Variants in EBF3 observed in about 807,000 individuals in gnomAD.
EBF3 encodes EBF transcription factor 3, also known as transcription factor COE3.
A neutral mutation model predicts 77.1 loss-of-function variants in EBF3; 18 were observed. That is an observed-to-expected ratio of 0.23 (90% confidence interval 0.16 to 0.35). The LOEUF (loss-of-function observed/expected upper bound fraction) is 0.35, where lower values mean the gene tolerates loss of function less well. Ranked by LOEUF, EBF3 falls within the 10% of genes least tolerant of loss-of-function variation. The pLI, the probability that EBF3 is intolerant of heterozygous loss-of-function variation, is 1.00. For synonymous variants in EBF3, 350 were observed against 343.5 expected (o/e 1.02, Z -0.21); for missense variants, 558 against 860.0 (o/e 0.65, Z 4.39).
chr10:129,891,216 C>T (rs887731979), intron 6 of EBF3, among the ~76,000 whole-genome samples: 1 of 152,094 alleles, frequency 6.6e-6, no homozygotes, highest in African/African-American at 2.4e-5. Context: ...TAATACTCTC[C>T]CATCAAGCAA....
intron 6 of EBF3, among the ~76,000 whole-genome samples, chr10:129,941,211 C>T (rs936060994): frequency 8.5e-5 from 13 of 152,142 alleles, no homozygotes; most frequent in Non-Finnish European, 1.2e-4. Flanking sequence ...GTTCAAGGGA[C>T]GAAAGAAACC....
intron 6 of EBF3, among the ~76,000 whole-genome samples, chr10:129,917,174 G>A (rs936458733): frequency 6.6e-6 from 1 of 152,146 alleles, no homozygotes; most frequent in Non-Finnish European, 1.5e-5. Context: ...TCAAAGACCA[G>A]CTTGGCCAAC....
At chr10:129,892,879 C>A (rs1365587033) in intron 6 of EBF3, among the ~76,000 whole-genome samples, 1 of 152,248 alleles carries the variant, frequency 6.6e-6, no homozygotes, top group Non-Finnish European at 1.5e-5. Flanking sequence ...CAAATCATAA[C>A]CCCCAAATAT....
chr10:129,840,441 TACTGCAACAAAGCAAAC>T lies in EBF3; in HGVS notation c.1562-16_1562del, dbSNP rs1293802333. ...CTGCCATGGTGGGGCTGGACGGCAC[TACTGCAACAAAGCAAAC>T]ACGGTCAGCACGCGCGGCCGCGGCA... On this transcript the variant is annotated splice_acceptor_variant and splice_polypyrimidine_tract_variant and coding_sequence_variant and intron_variant, in exon 15 of 17. Coordinates refer to ENST00000440978, the MANE Select transcript of EBF3 (RefSeq NM_001375380.1). LOFTEE classifies it high-confidence loss of function. 6.5e-7 allele frequency: 1 copy of T among 1,550,192 alleles called. No homozygotes were observed. The highest frequency in any genetic ancestry group is 1.2e-5 in the South Asian group (1 of 84,058).
intron 6 of EBF3, among the ~76,000 whole-genome samples, chr10:129,942,283 C>T (rs1486740181): frequency 6.6e-6 from 1 of 152,130 alleles, no homozygotes. Flanking sequence ...GGTCCAGGAC[C>T]CTTCTTTAGC....
At chr10:129,857,052 A>C (rs1046518739) in intron 10 of EBF3, among the ~76,000 whole-genome samples, 3 of 152,172 alleles carry the variant, frequency 2.0e-5, no homozygotes, top group South Asian at 4.1e-4. Flanking sequence ...GGTGTGGGGA[A>C]TCGATTCCCA....
In EBF3 at chr10:129,947,220, G is replaced by GATCACCC. The variant is rs1858297771; in HGVS notation, c.554+10037_554+10038insGGGTGAT. 6.6e-6 allele frequency among the ~76,000 whole-genome samples: 1 copy of GATCACCC among 152,218 alleles called. No homozygotes were observed. The highest frequency in any genetic ancestry group is 1.5e-5 in the Non-Finnish European group (1 of 68,032). On this transcript the variant is annotated intron_variant, in intron 6 of 16. Transcript: ENST00000440978. This position sits in a 1 kb window ranked among gnomAD's most constrained non-coding sequence, Gnocchi z 4.5. ...GCCGCCGGGGGACCACCCCATCCCG[G>GATCACCC]CACACTGATCTGATTTACAAACCTT... is the stretch of plus-strand genomic sequence containing the variant.
At chr10:129,907,995 C>T (rs997414793) in intron 6 of EBF3, among the ~76,000 whole-genome samples, 5 of 152,178 alleles carry the variant, frequency 3.3e-5, no homozygotes, top group Admixed American at 6.5e-5. Context: ...CCCCACTGAG[C>T]CATGGATCCA....
In EBF3 at chr10:129,836,792, A is replaced by G. The variant is rs548955766; in HGVS notation, c.*1151T>C. 1 of 152,640 alleles carries G rather than the reference A, an allele frequency of 6.6e-6. No homozygotes were observed. Among genetic ancestry groups the G allele is most frequent in the Non-Finnish European group, 1.5e-5 (1 of 68,038 alleles). The allele number at this position is 152,640 out of a possible 1,614,324, so 9.5% of individuals were successfully genotyped here. ...GAAAGAAGAAAAAGGAAAAGGTGGG[A>G]AAAGCAATGTACAAAATTTCAAAGA... On this transcript the variant is annotated 3_prime_UTR_variant, in exon 17 of 17. Coordinates refer to ENST00000440978, the MANE Select transcript of EBF3 (RefSeq NM_001375380.1).
At chr10:129,942,236 A>G (rs1443142065) in intron 6 of EBF3, among the ~76,000 whole-genome samples, 2 of 152,224 alleles carry the variant, frequency 1.3e-5, no homozygotes, top group Non-Finnish European at 2.9e-5. Flanking sequence ...GAGTGATTTT[A>G]GGACATTTCC....
intron 6 of EBF3, among the ~76,000 whole-genome samples, chr10:129,932,355 C>T (rs1033610299): frequency 2.0e-5 from 3 of 152,182 alleles, no homozygotes; most frequent in Admixed American, 6.5e-5. Flanking sequence ...TGCAACAAGG[C>T]GACAAGGGCC....
At chr10:129,911,956 C>T (rs1855554306) in intron 6 of EBF3, among the ~76,000 whole-genome samples, 2 of 152,120 alleles carry the variant, frequency 1.3e-5, no homozygotes, top group Admixed American at 1.3e-4. Flanking sequence ...GAGCAACGCA[C>T]GGCCCAGCAA....
At chr10:129,869,590 G>A (rs539468844) in intron 8 of EBF3, among the ~76,000 whole-genome samples, 48 of 152,270 alleles carry the variant, frequency 3.2e-4, no homozygotes, top group African/African-American at 8.2e-4. Flanking sequence ...GGAGTTTTCC[G>A]GAAGCCCGCG....
intron 6 of EBF3, among the ~76,000 whole-genome samples, chr10:129,896,300 A>G (rs1032791562): frequency 3.9e-5 from 6 of 152,364 alleles, no homozygotes; most frequent in Admixed American, 3.9e-4. Context: ...GCCACCATGC[A>G]AAAACAAGCC....
chr10:129,951,348 GC>G lies in EBF3; in HGVS notation c.554+5909del, dbSNP rs142945103. Among the ~76,000 whole-genome samples the G allele has an allele frequency of 6.1e-3, 934 of 152,342 alleles. 13 individuals carry two copies. Among genetic ancestry groups the G allele is most frequent in the East Asian group, 0.014 (70 of 5,174 alleles). On this transcript the variant is annotated intron_variant, in intron 6 of 16. Coordinates refer to ENST00000440978, the MANE Select transcript of EBF3 (RefSeq NM_001375380.1). Reference sequence around the variant, plus strand: ...TCTTCGCTCCTCACCTGATAAGGCTGCCGCAGCGGTGCAGGATGCTTTCCGT... The same window carrying G: ...TCTTCGCTCCTCACCTGATAAGGCTGCGCAGCGGTGCAGGATGCTTTCCGT...
chr10:129,874,921 G>C (rs1171693559), intron 7 of EBF3, among the ~76,000 whole-genome samples: 49 of 152,276 alleles, frequency 3.2e-4, no homozygotes, highest in Admixed American at 3.2e-3. Context: ...GGGGAAACCA[G>C]GGGGAGGGGC....
chr10:129,849,505 C>T (rs1304700545), intron 10 of EBF3, among the ~76,000 whole-genome samples: 1 of 152,130 alleles, frequency 6.6e-6, no homozygotes, highest in Admixed American at 6.5e-5. Context: ...GGTGCGGGGG[C>T]GGACACAAAG....
At chr10:129,889,916 C>T (rs978811739) in intron 6 of EBF3, among the ~76,000 whole-genome samples, 7 of 136,198 alleles carry the variant, frequency 5.1e-5, no homozygotes, top group South Asian at 2.4e-4. Context: ...CTGAAATCAA[C>T]GGGAAAATGA....
chr10:129,950,294 C>T (rs961132873), intron 6 of EBF3, among the ~76,000 whole-genome samples: 3 of 152,172 alleles, frequency 2.0e-5, no homozygotes, highest in Non-Finnish European at 2.9e-5. Context: ...GCAGAGGATG[C>T]GCCCCATCCA....
Sources: gnomAD v4.1 joint callset for allele counts (sites outside exome capture counted in the v4.1 genomes callset) on GRCh38, gnomAD v4.1.1 for gene constraint, Gnocchi (gnomAD v3.1) non-coding constraint, MANE v1.5 for transcripts, NCBI Gene and HGNC (gene_info 2026-07-23, HGNC 2026-07-21) for gene names.